The following NEK11 variants were observed in gnomAD, a reference collection of about 807,000 sequenced individuals.
The protein encoded by NEK11 is serine/threonine-protein kinase Nek11.
In NEK11, 72 loss-of-function variants were observed where a neutral mutation model predicts 80.7. The observed-to-expected ratio is 0.89, with a 90% CI of 0.74 to 1.08. NEK11 has a LOEUF of 1.08. Ranked by LOEUF, NEK11 falls within the 50% of genes least tolerant of loss-of-function variation. The pLI, the probability that NEK11 is intolerant of heterozygous loss-of-function variation, is 0.00. For synonymous variants in NEK11, 251 were observed against 260.7 expected, an observed-to-expected ratio of 0.96 and a Z score of 0.36; for missense variants, 764 against 763.6, an observed-to-expected ratio of 1.00 and a Z score of -0.01.
intron 17 of NEK11, among the ~76,000 whole-genome samples, chr3:131,322,429 T>A (rs367616229): frequency 1.3e-5 from 2 of 152,162 alleles, no homozygotes; most frequent in East Asian, 1.9e-4. Flanking sequence ...TGCACATGTA[T>A]GCATGCCCCC....
intron 3 of NEK11, among the ~76,000 whole-genome samples, chr3:131,077,358 T>C (rs2148991619): frequency 6.6e-6 from 1 of 152,240 alleles, no homozygotes. Context: ...GTCAGCTCAG[T>C]GACGTGATTT....
chr3:131,152,732 TG>T, intron 9 of NEK11, 23 bp downstream of exon 9: 1 of 1,525,210 alleles, frequency 6.6e-7, no homozygotes, highest in Non-Finnish European at 9.1e-7. Context: ...AAAGGGATTC[TG>T]GGAAACAGGT....
intron 3 of NEK11, among the ~76,000 whole-genome samples, chr3:131,068,779 T>C (rs1368848136): frequency 2.6e-5 from 4 of 152,232 alleles, no homozygotes; most frequent in Non-Finnish European, 5.9e-5. Flanking sequence ...CTTGGTAGGT[T>C]ATGCCCTGAC....
At position 131,136,957 on chromosome 3, in the gene NEK11, A is replaced by G. The variant is rs1238221039; in HGVS notation, c.647+3001A>G. On this transcript the variant is annotated intron_variant, in intron 7 of 17. Transcript: ENST00000383366. ...AATAATGGTACTGCAATTAGACAGA[A>G]AGAAAACAATATTTCACTGTTGGTC... Among the ~76,000 whole-genome samples the G allele has an allele frequency of 2.0e-5, 3 of 152,248 alleles. No homozygotes were observed. The East Asian group carries it at 5.8e-4, about 29-fold the overall frequency.
chr3:131,137,010 C>A (rs2085729161), intron 7 of NEK11, among the ~76,000 whole-genome samples: 1 of 152,096 alleles, frequency 6.6e-6, no homozygotes, highest in African/African-American at 2.4e-5. Flanking sequence ...AGAACCCAAC[C>A]AGATGGCTCT....
At chr3:131,236,619 T>G (rs1264075863) in intron 15 of NEK11, among the ~76,000 whole-genome samples, 1 of 152,204 alleles carries the variant, frequency 6.6e-6, no homozygotes, top group Non-Finnish European at 1.5e-5. Context: ...CGGAATTCAG[T>G]GAAAGAGGCT....
rs79789494 is a variant in NEK11 at position 131,071,683 on chromosome 3, T to A, written c.171-8740T>A. Among the ~76,000 whole-genome samples the A allele has an allele frequency of 7.3e-3, 1,111 of 152,230 alleles. 22 individuals carry two copies. The highest frequency in any genetic ancestry group is 0.062 in the East Asian group (324 of 5,192). ...ATGTTGTTTTAGTTTTGAAATGTAC[T>A]AATAACAAAGAATTTTTAGTCATTT... is the stretch of plus-strand genomic sequence containing the variant. On this transcript the variant is annotated intron_variant, in intron 3 of 17. Coordinates refer to ENST00000383366, the MANE Select transcript of NEK11 (RefSeq NM_024800.5).
chr3:131,204,731 C>T (rs1029146536), intron 14 of NEK11, among the ~76,000 whole-genome samples: 4 of 151,886 alleles, frequency 2.6e-5, no homozygotes, highest in Non-Finnish European at 5.9e-5. Context: ...TCTCCCTACT[C>T]ATTAAATAGG....
At chr3:131,181,494 C>A (rs1384829660) in intron 14 of NEK11, among the ~76,000 whole-genome samples, 1 of 152,114 alleles carries the variant, frequency 6.6e-6, no homozygotes, top group Non-Finnish European at 1.5e-5. Flanking sequence ...CGCCTGTAAT[C>A]CCAGCACTTT....
intron 13 of NEK11, among the ~76,000 whole-genome samples, chr3:131,169,843 G>A (rs1420394071): frequency 6.6e-6 from 1 of 152,132 alleles, no homozygotes; most frequent in Non-Finnish European, 1.5e-5. Context: ...AATTTCTGAA[G>A]TGCACGTAAA....
At chr3:131,225,335 C>A (rs1369241789) in intron 14 of NEK11, among the ~76,000 whole-genome samples, 2 of 152,122 alleles carry the variant, frequency 1.3e-5, no homozygotes, top group East Asian at 1.9e-4. Context: ...TAGGTTATAC[C>A]ATCGAGGTTT....
At chr3:131,148,746 TA>T (rs2088973218) in intron 7 of NEK11, among the ~76,000 whole-genome samples, 2 of 10,842 alleles carry the variant, frequency 1.8e-4, no homozygotes, top group Non-Finnish European at 4.9e-4. Context: ...TTGTTACAGA[TA>T]TATATATATA....
intron 14 of NEK11, among the ~76,000 whole-genome samples, chr3:131,172,606 G>T (rs930835844): frequency 2.0e-5 from 3 of 151,410 alleles, no homozygotes; most frequent in Non-Finnish European, 4.4e-5. Flanking sequence ...TATATTATTT[G>T]TTAATTTCCA....
chr3:131,083,406 C>G (rs928593388), intron 4 of NEK11, among the ~76,000 whole-genome samples: 1 of 152,210 alleles, frequency 6.6e-6, no homozygotes, highest in African/African-American at 2.4e-5. Context: ...CGCCTGGGCT[C>G]TGTGTGCCAC....
intron 14 of NEK11, among the ~76,000 whole-genome samples, chr3:131,225,120 G>A (rs540853244): frequency 2.6e-5 from 4 of 152,228 alleles, no homozygotes; most frequent in East Asian, 1.9e-4. Context: ...CCAGTCCTGC[G>A]TGCTCCATTC....
chr3:131,060,834 C>G (rs574008529), intron 3 of NEK11, among the ~76,000 whole-genome samples: 1 of 152,224 alleles, frequency 6.6e-6, no homozygotes, highest in South Asian at 2.1e-4. Context: ...TTGATTCTAG[C>G]TTTCCTAGTA....
rs375485523 is a variant in NEK11, at chr3:131,187,634, AT to A, written c.1399+16755del. ...TGTACTGGACCCAGCCCCATCTGCA[AT>A]TTTTTTTCAGAGGTTTCTCTTCTAT... On this transcript the variant is annotated intron_variant, in intron 14 of 17. Coordinates refer to ENST00000383366, the MANE Select transcript of NEK11 (RefSeq NM_024800.5). Among the ~76,000 whole-genome samples, 22 of 152,064 alleles carry A rather than the reference AT, an allele frequency of 1.4e-4. 1 individual carries two copies. The highest frequency in any genetic ancestry group is 5.3e-4 in the African/African-American group (22 of 41,472).
At chr3:131,269,723 G>A (rs1005626978) in intron 16 of NEK11, among the ~76,000 whole-genome samples, 2 of 152,104 alleles carry the variant, frequency 1.3e-5, no homozygotes, top group Non-Finnish European at 2.9e-5. Context: ...ATTAACATGG[G>A]GATTAAGGAT....
intron 5 of NEK11, among the ~76,000 whole-genome samples, chr3:131,122,005 G>A (rs964332607): frequency 2.6e-5 from 4 of 152,324 alleles, no homozygotes; most frequent in African/African-American, 4.8e-5. Flanking sequence ...GCAAGCCCCA[G>A]TGAGATGAAC....
Sources: allele counts gnomAD v4.1 joint callset (sites outside exome capture counted in the v4.1 genomes callset), GRCh38; gene constraint gnomAD v4.1.1; transcripts MANE v1.5; gene names NCBI Gene and HGNC (gene_info 2026-07-23, HGNC 2026-07-21).